The following RTF1 variants were observed in gnomAD, a reference collection of about 807,000 sequenced individuals.
The protein encoded by RTF1 is RTF1 homolog, Paf1/RNA polymerase II complex component.
A neutral mutation model predicts 95.7 loss-of-function variants in RTF1; 10 were observed. The ratio of observed to expected loss-of-function variants is 0.10; its 90% CI spans 0.06 to 0.18. The LOEUF is 0.18. Among genes scored for constraint, RTF1 ranks in the 10% least tolerant of loss-of-function variants. The probability of loss-of-function intolerance (pLI) is 1.00; values close to 1 mark genes in which losing one functional copy is unlikely to be tolerated. For missense variants in RTF1, 458 were observed against 875.6 expected, an observed-to-expected ratio of 0.52 and a Z score of 6.02; for synonymous variants, 305 against 311.8, an observed-to-expected ratio of 0.98 and a Z score of 0.23.
At chr15:41,461,271 TC>T (rs1217284874) in intron 4 of RTF1, among the ~76,000 whole-genome samples, 2 of 151,644 alleles carry the variant, frequency 1.3e-5, no homozygotes, top group African/African-American at 4.8e-5. Flanking sequence ...TCCATCCACC[TC>T]CTGACCTGAG....
chr15:41,443,975 G>A (rs535608270), intron 2 of RTF1, among the ~76,000 whole-genome samples: 2 of 151,992 alleles, frequency 1.3e-5, no homozygotes, highest in African/African-American at 4.8e-5. Context: ...GGCTGAGGCA[G>A]GAGAATGGCG....
chr15:41,472,146 C>A (rs2050915482), intron 8 of RTF1, among the ~76,000 whole-genome samples: 1 of 151,620 alleles, frequency 6.6e-6, no homozygotes, highest in Non-Finnish European at 1.5e-5. Context: ...ATCCACCTGC[C>A]TCAGCCTCCC....
chr15:41,477,611 A>T, intron 14 of RTF1, 96 bp downstream of exon 14: 10 of 1,117,346 alleles, frequency 8.9e-6, no homozygotes, highest in Non-Finnish European at 1.3e-5. Context: ...TAATTATTGA[A>T]ATAACGTAGG....
At chr15:41,435,714 T>C (rs1224283489) in intron 1 of RTF1, among the ~76,000 whole-genome samples, 1 of 152,206 alleles carries the variant, frequency 6.6e-6, no homozygotes, top group Non-Finnish European at 1.5e-5. Context: ...AGGGAGGATA[T>C]ACTCCTAAAA....
intron 5 of RTF1, 51 bp from the exon 6 acceptor site, chr15:41,466,090 C>A: frequency 1.6e-6 from 2 of 1,248,184 alleles, no homozygotes; most frequent in South Asian, 1.5e-5. Context: ...TTTAGAGAAT[C>A]TTATCAGCTG....
chr15:41,422,931 G>A (rs1385294053), intron 1 of RTF1, among the ~76,000 whole-genome samples: 4 of 151,904 alleles, frequency 2.6e-5, no homozygotes, highest in East Asian at 1.9e-4. Context: ...ACGCCACCAC[G>A]TCCAGCTAAT....
chr15:41,443,552 A>G (rs2050745967), intron 2 of RTF1, among the ~76,000 whole-genome samples: 1 of 151,954 alleles, frequency 6.6e-6, no homozygotes, highest in African/African-American at 2.4e-5. Context: ...AGGGAAGATA[A>G]CAAGGTGAAA....
At chr15:41,454,958 G>C (rs2050805346) in intron 3 of RTF1, among the ~76,000 whole-genome samples, 1 of 152,140 alleles carries the variant, frequency 6.6e-6, no homozygotes, top group African/African-American at 2.4e-5. Flanking sequence ...AATTCTACTA[G>C]ACAATTTTTT....
chr15:41,467,998 C>G (rs1287719198), intron 6 of RTF1, among the ~76,000 whole-genome samples: 1 of 152,026 alleles, frequency 6.6e-6, no homozygotes, highest in Non-Finnish European at 1.5e-5. Context: ...AATCCCGTCT[C>G]TACTAAAAGT....
chr15:41,443,408 CTGTT>C (rs1341471633), intron 2 of RTF1, among the ~76,000 whole-genome samples: 3 of 152,144 alleles, frequency 2.0e-5, no homozygotes, highest in Admixed American at 2.0e-4. Context: ...AGAAGCAAGG[CTGTT>C]TGTAAGATTT....
chr15:41,465,700 C>A (rs2050877354), intron 5 of RTF1, among the ~76,000 whole-genome samples: 1 of 151,890 alleles, frequency 6.6e-6, no homozygotes, highest in African/African-American at 2.4e-5. Context: ...TGGTAAACAA[C>A]CTGTCCTAGG....
At chr15:41,468,451 G>A (rs2050892053) in intron 6 of RTF1, among the ~76,000 whole-genome samples, 1 of 151,984 alleles carries the variant, frequency 6.6e-6, no homozygotes, top group African/African-American at 2.4e-5. Flanking sequence ...CTGAGTAGCT[G>A]GGACTACAGG....
intron 1 of RTF1, among the ~76,000 whole-genome samples, chr15:41,435,051 C>T (rs577515640): frequency 1.3e-5 from 2 of 151,750 alleles, no homozygotes; most frequent in African/African-American, 4.8e-5. Flanking sequence ...ACCTCTGCCT[C>T]CTGGGTTCAA....
At chr15:41,468,248 G>A (rs1185825838) in intron 6 of RTF1, among the ~76,000 whole-genome samples, 1 of 151,230 alleles carries the variant, frequency 6.6e-6, no homozygotes, top group Non-Finnish European at 1.5e-5. Context: ...AATTCATTAG[G>A]AGTTGCAAAA....
intron 7 of RTF1, 68 bp from the exon 8 acceptor site, chr15:41,471,104 T>G: frequency 7.0e-7 from 1 of 1,433,234 alleles, no homozygotes; most frequent in Non-Finnish European, 9.5e-7. Flanking sequence ...GAGGAGTTGA[T>G]ATTATTTTTC....
intron 2 of RTF1, among the ~76,000 whole-genome samples, chr15:41,448,389 G>A (rs1014273474): frequency 2.0e-5 from 3 of 152,026 alleles, no homozygotes; most frequent in African/African-American, 7.2e-5. Context: ...AATGTTGGCC[G>A]GGAACGGTGA....
chr15:41,417,199 TCCGGGCGGCG>T lies in RTF1; in HGVS notation c.85_94del (p.Pro29AlafsTer11), dbSNP rs1348129619. On this transcript the variant is annotated frameshift_variant, in exon 1 of 18. Transcript: ENST00000389629. LOFTEE classifies it high-confidence loss of function. ...CACTGGCAGGCGGGCAAGAGGGGAG[TCCGGGCGGCG>T]GCCGGCGTGGGAGCCGGGGGACCAC... The T allele has an allele frequency of 1.6e-5, 20 of 1,259,092 alleles. No homozygotes were observed. The highest frequency in any genetic ancestry group is 2.0e-5 in the Non-Finnish European group (20 of 997,824). The allele number at this position is 1,259,092 out of a possible 1,614,324, so 78.0% of individuals were successfully genotyped here.
At chr15:41,473,223 T>A (rs999096551) in intron 8 of RTF1, among the ~76,000 whole-genome samples, 1 of 151,816 alleles carries the variant, frequency 6.6e-6, no homozygotes, top group African/African-American at 2.4e-5. Flanking sequence ...AAGCTCCCAC[T>A]CCTGGGTTCA....
chr15:41,454,256 A>C (rs1438952259), intron 3 of RTF1, among the ~76,000 whole-genome samples: 1 of 151,852 alleles, frequency 6.6e-6, no homozygotes, highest in Admixed American at 6.6e-5. Context: ...CACTTAGCTA[A>C]TTTTTTATAT....
Sources: gnomAD v4.1 joint callset for allele counts (sites outside exome capture counted in the v4.1 genomes callset) on GRCh38, gnomAD v4.1.1 for gene constraint, MANE v1.5 for transcripts, NCBI Gene and HGNC (gene_info 2026-07-23, HGNC 2026-07-21) for gene names.